SEMA4B: variants seen among roughly 807,000 people sequenced by gnomAD.
The protein encoded by SEMA4B is semaphorin 4B.
SEMA4B carries 55 observed loss-of-function variants against 88.1 expected under a neutral mutation model. The ratio of observed to expected loss-of-function variants is 0.62; its 90% confidence interval spans 0.50 to 0.78. The LOEUF (loss-of-function observed/expected upper bound fraction) is 0.78. Ranked by LOEUF, SEMA4B falls within the 30% of genes least tolerant of loss-of-function variation. The probability of loss-of-function intolerance (pLI) is 0.00; values close to 1 mark genes in which losing one functional copy is unlikely to be tolerated. For synonymous variants in SEMA4B, 525 were observed against 473.6 expected (o/e 1.11, Z -1.41); for missense variants, 1,062 against 1,111.9 (o/e 0.96, Z 0.64).
At chr15:90,199,271 A>T (rs543936216), upstream of SEMA4B, among the ~76,000 whole-genome samples, 6 of 152,304 alleles carry the variant, frequency 3.9e-5, no homozygotes, top group South Asian at 2.1e-4. Context: ...AGGCCCTTGC[A>T]GTAACCAGGA....
At chr15:90,220,137 C>T (rs1596149899) in intron 4 of SEMA4B, 1 of 475,738 alleles carries the variant, frequency 2.1e-6, no homozygotes, top group Non-Finnish European at 3.7e-6. Context: ...GATCCTGTGC[C>T]ACCCAGGCCT....
At chr15:90,227,337 A>G in intron 12 of SEMA4B, 1 of 532,464 alleles carries the variant, frequency 1.9e-6, no homozygotes, top group Non-Finnish European at 3.3e-6. Flanking sequence ...GTGGGCCACC[A>G]TGCCTGGCCA....
chr15:90,225,834 A>ACTCCCAAAGGCCC lies in SEMA4B; in HGVS notation c.1688+10_1688+22dup. On this transcript the variant is annotated splice_region_variant and intron_variant, in intron 12 of 13. Transcript: ENST00000411539. ...AGCCTCAGCTGGCCACCAGGTGAGC[A>ACTCCCAAAGGCCC]CTCCCAAAGGCCCCTTCCCATCTGT... 1 of 1,511,888 alleles carries ACTCCCAAAGGCCC rather than the reference A, an allele frequency of 6.6e-7. No individual in the cohort carries two copies. Among genetic ancestry groups the ACTCCCAAAGGCCC allele is most frequent in the Non-Finnish European group, 8.8e-7 (1 of 1,130,904 alleles). The allele number at this position is 1,511,888 out of a possible 1,614,324, so 93.7% of individuals were successfully genotyped here.
chr15:90,186,570 C>T (rs1436485710), intron 1 of SEMA4B, among the ~76,000 whole-genome samples: 4 of 151,690 alleles, frequency 2.6e-5, no homozygotes, highest in African/African-American at 7.3e-5. Flanking sequence ...CTGAGCCAGC[C>T]GAGATTGTGA....
Position 90,217,752 on chromosome 15 carries a change from T to C in SEMA4B, c.322-15T>C, listed in dbSNP as rs769778131. On this transcript the variant is annotated splice_polypyrimidine_tract_variant and intron_variant, in intron 2 of 13. Coordinates refer to ENST00000411539, the MANE Select transcript of SEMA4B (RefSeq NM_198925.4). ...CTCCATTTTGTCCACTACCTTCCCC[T>C]TTCTCATTCCCCAGCTGCTTTGGGG... 57 of 1,613,068 alleles carry C rather than the reference T, an allele frequency of 3.5e-5. No homozygotes were observed. The highest frequency in any genetic ancestry group is 2.0e-4 in the Admixed American group (12 of 59,892).
chr15:90,221,752 C>T lies in SEMA4B; in HGVS notation c.848C>T (p.Ala283Val), dbSNP rs200873910. The T allele has an allele frequency of 2.5e-6, 4 of 1,613,848 alleles. No individual in the cohort carries two copies. In the African/African-American group the frequency reaches 5.3e-5, roughly 22 times the overall value. Residue 283 changes from alanine (A) to valine (V), a missense_variant, in exon 7 of 14, where the codon GCC (alanine) becomes GTC (valine). Physicochemically the swap from Ala to Val is moderately conservative, Grantham distance 64. Transcript: ENST00000411539. The part of the protein sequence containing the change: ...FFENTIVSRI[A>V]RICKGDEGGE... ...GAGAACACCATTGTGTCCCGCATTG[C>T]CCGCATCTGCAAGGTGAGGGGAACG...
chr15:90,194,732 T>C (rs963423963), intron 1 of SEMA4B, among the ~76,000 whole-genome samples: 6 of 152,116 alleles, frequency 3.9e-5, no homozygotes, highest in African/African-American at 1.4e-4. Flanking sequence ...ACTCAAAATT[T>C]TAAATGGAAA....
In SEMA4B at chr15:90,201,511, T is replaced by C; in HGVS notation, c.-68T>C. On this transcript the variant is annotated 5_prime_UTR_variant, in exon 1 of 14. Transcript: ENST00000411539. ...TCGGGGGCGGACCGCGGGGCGGAGC[T>C]GCCGCCCGTGAGTCCGGCCGAGCCA... 2 of 1,332,258 alleles carry C rather than the reference T, an allele frequency of 1.5e-6. No homozygotes were observed. The highest frequency in any genetic ancestry group is 1.9e-6 in the Non-Finnish European group (2 of 1,046,458). The allele number at this position is 1,332,258 out of a possible 1,614,324, so 82.5% of individuals were successfully genotyped here.
At position 90,212,212 on chromosome 15, in the gene SEMA4B, C is replaced by T. The variant is rs1241646290; in HGVS notation, c.158-5227C>T. Among the ~76,000 whole-genome samples, 1 of 152,120 alleles carries T rather than the reference C, an allele frequency of 6.6e-6. No homozygotes were observed. Among genetic ancestry groups the T allele is most frequent in the Non-Finnish European group, 1.5e-5 (1 of 68,008 alleles). On this transcript the variant is annotated intron_variant, in intron 1 of 13. Coordinates refer to ENST00000411539, the MANE Select transcript of SEMA4B (RefSeq NM_198925.4). This position sits in a 1 kb window ranked among gnomAD's most constrained non-coding sequence, Gnocchi z 4.0. ...GGACCCTGCAGGTGACTCTTATGTG[C>T]CCATTCCATGTGCCGTCTCCCTCCA...
intron 1 of SEMA4B, among the ~76,000 whole-genome samples, chr15:90,210,933 G>A (rs1171191972): frequency 1.3e-5 from 2 of 152,202 alleles, no homozygotes; most frequent in Non-Finnish European, 2.9e-5. Context: ...AGGCACAAAA[G>A]TTTCTAGAAT....
rs75930156 is a variant in SEMA4B at position 90,206,055 on chromosome 15, A to G, written c.157+4320A>G. ...CCCAGGAGAGCGCTAAACTTGCACA[A>G]CTTTTGGGGCATATCTGGATATACC... On this transcript the variant is annotated intron_variant, in intron 1 of 13. Coordinates refer to ENST00000411539, the MANE Select transcript of SEMA4B (RefSeq NM_198925.4). Among the ~76,000 whole-genome samples the G allele has an allele frequency of 1.1e-3, 161 of 152,296 alleles. 2 individuals carry two copies. In the East Asian group the frequency reaches 0.03, roughly 28 times the overall value.
Position 90,219,885 on chromosome 15 carries a change from C to G in SEMA4B, c.477C>G (p.Thr159=). The change falls in exon 4 of 14, where the codon ACC becomes ACG. Residue 159 remains threonine (T), a synonymous_variant. Transcript: ENST00000411539. ...CAGCAGCCTTCAGCCCCATGTGTAC[C>G]TACATCGTGAGTGACCTGTCCTCAG... ...CGTAAFSPMC[T]YINMENFTLA... The G allele has an allele frequency of 6.2e-7, 1 of 1,611,318 alleles. No homozygotes were observed. Among genetic ancestry groups the G allele is most frequent in the Non-Finnish European group, 8.5e-7 (1 of 1,178,676 alleles).
chr15:90,185,138 A>G, intron 1 of SEMA4B: 1 of 912,342 alleles, frequency 1.1e-6, no homozygotes, highest in Non-Finnish European at 1.3e-6. Context: ...GTGGCGGACC[A>G]GGCGAAAACC....
At chr15:90,216,186 C>T (rs1961526932) in intron 1 of SEMA4B, among the ~76,000 whole-genome samples, 1 of 152,044 alleles carries the variant, frequency 6.6e-6, no homozygotes, top group South Asian at 2.1e-4. Context: ...CGGGATCTCT[C>T]CATGTTGGTC....
chr15:90,224,716 A>G (rs994182963), intron 9 of SEMA4B, among the ~76,000 whole-genome samples: 1 of 152,184 alleles, frequency 6.6e-6, no homozygotes, highest in African/African-American at 2.4e-5. Flanking sequence ...GCCCCTGGGC[A>G]TATGAGGCTG....
At chr15:90,185,552 AGTTGCG>A (rs1396973144) in intron 1 of SEMA4B, among the ~76,000 whole-genome samples, 1 of 152,234 alleles carries the variant, frequency 6.6e-6, no homozygotes, top group Non-Finnish European at 1.5e-5. Context: ...ATGAAGCTGC[AGTTGCG>A]GCTACTCGGG....
intron 1 of SEMA4B, among the ~76,000 whole-genome samples, chr15:90,204,668 G>T (rs1396648921): frequency 6.6e-6 from 1 of 152,164 alleles, no homozygotes; most frequent in Non-Finnish European, 1.5e-5. Context: ...AGAAACAATG[G>T]CGCCCAGTGC....
At chr15:90,226,847 G>A (rs975788766) in intron 12 of SEMA4B, among the ~76,000 whole-genome samples, 1 of 151,936 alleles carries the variant, frequency 6.6e-6, no homozygotes, top group East Asian at 1.9e-4. Context: ...TTCGTGCCTG[G>A]TTGACTTATC....
At chr15:90,214,974 C>T in intron 1 of SEMA4B, 1 of 1,277,224 alleles carries the variant, frequency 7.8e-7, no homozygotes, top group South Asian at 1.3e-5. Flanking sequence ...GGTAAACACA[C>T]ATGAAGTCAT....
Sources: allele counts gnomAD v4.1 joint callset (sites outside exome capture counted in the v4.1 genomes callset), GRCh38; gene constraint gnomAD v4.1.1; non-coding constraint Gnocchi (gnomAD v3.1); transcripts MANE v1.5; gene names NCBI Gene and HGNC (gene_info 2026-07-23, HGNC 2026-07-21).